Variants in TRAF3 observed in about 807,000 individuals in gnomAD.
The protein encoded by TRAF3 is TNF receptor associated factor 3.
Under a neutral mutation model 62.3 loss-of-function variants are expected in TRAF3, and 13 were observed. The ratio of observed to expected loss-of-function variants is 0.21; its 90% CI spans 0.14 to 0.33. The LOEUF (loss-of-function observed/expected upper bound fraction) is 0.33, where lower values mean the gene tolerates loss of function less well. TRAF3 is among the 10% of genes least tolerant of loss of function. The probability of loss-of-function intolerance (pLI) is 1.00; values close to 1 mark genes in which losing one functional copy is unlikely to be tolerated. For missense variants in TRAF3, 440 were observed against 741.8 expected (o/e 0.59, Z 4.73); for synonymous variants, 269 against 283.4 (o/e 0.95, Z 0.51).
chr14:102,808,139 T>C (rs1287906563), intron 1 of TRAF3, among the ~76,000 whole-genome samples: 1 of 151,802 alleles, frequency 6.6e-6, no homozygotes, highest in Non-Finnish European at 1.5e-5. Context: ...GCACAGAGAG[T>C]CACTTTGGCC....
chr14:102,795,596 A>ATGTGTGTGTGTGTG (rs1189667975), intron 1 of TRAF3, among the ~76,000 whole-genome samples: 2,005 of 129,178 alleles, frequency 0.016, 23 homozygotes, highest in South Asian at 0.058. Flanking sequence ...TGATATGTAT[A>ATGTGTGTGTGTGTG]TATGTGTGTG....
intron 2 of TRAF3, among the ~76,000 whole-genome samples, chr14:102,866,276 C>G (rs769734794): frequency 2.0e-5 from 3 of 151,960 alleles, no homozygotes; most frequent in African/African-American, 7.3e-5. Context: ...TGGGGCCTGT[C>G]GGAGGGTGGG....
chr14:102,786,986 A>C (rs1352042549), intron 1 of TRAF3, among the ~76,000 whole-genome samples: 1 of 152,182 alleles, frequency 6.6e-6, no homozygotes, highest in East Asian at 1.9e-4. Flanking sequence ...TGGGTGACTC[A>C]GTGAGATCCT....
intron 1 of TRAF3, among the ~76,000 whole-genome samples, chr14:102,793,501 C>T (rs1224372954): frequency 1.3e-5 from 2 of 152,160 alleles, no homozygotes; most frequent in African/African-American, 4.8e-5. Flanking sequence ...AATTTTGAAA[C>T]CTGCCCTCTC....
At chr14:102,857,907 G>A (rs1887465382) in intron 2 of TRAF3, among the ~76,000 whole-genome samples, 1 of 152,182 alleles carries the variant, frequency 6.6e-6, no homozygotes, top group Non-Finnish European at 1.5e-5. Flanking sequence ...GAGAAAGCAG[G>A]TAGAGAAAAA....
At chr14:102,841,398 A>G (rs1886366499) in intron 2 of TRAF3, among the ~76,000 whole-genome samples, 1 of 152,236 alleles carries the variant, frequency 6.6e-6, no homozygotes, top group Admixed American at 6.5e-5. Flanking sequence ...TCAGTTGCAC[A>G]GGGCTGGGAA....
intron 10 of TRAF3, among the ~76,000 whole-genome samples, chr14:102,900,625 G>A (rs1307426863): frequency 1.3e-5 from 2 of 152,242 alleles, no homozygotes; most frequent in Non-Finnish European, 2.9e-5. Flanking sequence ...CACGCACTGG[G>A]ACAGAAGGCA....
chr14:102,890,217 TTTG>T (rs908618502), intron 8 of TRAF3, among the ~76,000 whole-genome samples: 4 of 152,368 alleles, frequency 2.6e-5, no homozygotes, highest in East Asian at 3.9e-4. Context: ...CATCTGGTGT[TTTG>T]TTGTTGTTTA....
In TRAF3 at chr14:102,852,636, A is replaced by C. The variant is rs116788557; in HGVS notation, c.-17-17549A>C. ...GGATGACATGAAATTCTTTGGATCT[A>C]CATATGGACAAACAGAATTGTGTCA... On this transcript the variant is annotated intron_variant, in intron 2 of 11. Coordinates refer to ENST00000392745, the MANE Select transcript of TRAF3 (RefSeq NM_145725.3). Among the ~76,000 whole-genome samples, 587 of 152,288 alleles carry C rather than the reference A, an allele frequency of 3.9e-3. 4 individuals are homozygous for C. Among genetic ancestry groups the C allele is most frequent in the African/African-American group, 0.013 (543 of 41,562 alleles).
At chr14:102,880,237 G>A (rs955941283) in intron 6 of TRAF3, among the ~76,000 whole-genome samples, 1 of 152,182 alleles carries the variant, frequency 6.6e-6, no homozygotes, top group African/African-American at 2.4e-5. Context: ...CCAGAACTCT[G>A]GAAGGCCAAA....
intron 1 of TRAF3, among the ~76,000 whole-genome samples, 174 bp downstream of exon 1, chr14:102,777,849 C>T (rs2140034437): frequency 6.8e-6 from 1 of 147,250 alleles, no homozygotes; most frequent in East Asian, 2.0e-4. Context: ...GGCGCGGCTT[C>T]AGCCTGGCCC....
Position 102,903,769 on chromosome 14 carries a change from C to G in TRAF3, c.1135+340C>G. Reference sequence around the variant, plus strand: ...AAGCGCAGATGGCAGAGGCCAGGACCTGCTGGTCGGGGCGCCCCAGACCCC... The same window carrying G: ...AAGCGCAGATGGCAGAGGCCAGGACGTGCTGGTCGGGGCGCCCCAGACCCC... On this transcript the variant is annotated intron_variant, in intron 11 of 11. Transcript: ENST00000392745. This position sits in a 1 kb window ranked among gnomAD's most constrained non-coding sequence, Gnocchi z 6.4. The G allele has an allele frequency of 2.0e-6, 1 of 500,642 alleles. No individual in the cohort carries two copies. Among genetic ancestry groups the G allele is most frequent in the Non-Finnish European group, 3.9e-6 (1 of 256,272 alleles). The allele number at this position is 500,642 out of a possible 1,614,324, so 31.0% of individuals were successfully genotyped here.
rs1475696039 is a variant in TRAF3 at position 102,886,184 on chromosome 14, T to C, written c.571-5T>C. The C allele has an allele frequency of 1.4e-5, 22 of 1,612,796 alleles. No homozygotes were observed. The highest frequency in any genetic ancestry group is 1.8e-5 in the Non-Finnish European group (21 of 1,179,164). On this transcript the variant is annotated splice_polypyrimidine_tract_variant and splice_region_variant and intron_variant, in intron 6 of 11. Coordinates refer to ENST00000392745, the MANE Select transcript of TRAF3 (RefSeq NM_145725.3). The stretch of plus-strand genomic sequence containing the variant: ...TAAAGTTGATAGTACTTTCTCTCTC[T>C]GTAGAAACACGAAGACACCGACTGT...
In TRAF3 at chr14:102,792,012, G is replaced by C. The variant is rs1023685149; in HGVS notation, c.-157+14337G>C. On this transcript the variant is annotated intron_variant, in intron 1 of 11. Coordinates refer to ENST00000392745, the MANE Select transcript of TRAF3 (RefSeq NM_145725.3). ...TATTTTTTATTTTTGGTAGAGATGG[G>C]TTTCGCCATGTTGCCCAGGCTAGTC... Among the ~76,000 whole-genome samples, 3 of 149,520 alleles carry C rather than the reference G, an allele frequency of 2.0e-5. No homozygotes were observed. The Admixed American group carries it at 2.0e-4, about 10-fold the overall frequency.
chr14:102,857,081 A>G (rs1887415401), intron 2 of TRAF3, among the ~76,000 whole-genome samples: 1 of 152,244 alleles, frequency 6.6e-6, no homozygotes, highest in Admixed American at 6.5e-5. Context: ...AAGGCTTTCC[A>G]TGAACTGGGC....
intron 1 of TRAF3, among the ~76,000 whole-genome samples, chr14:102,809,529 CTTTTTTTTT>C (rs60882875): frequency 5.2e-5 from 6 of 114,916 alleles, no homozygotes; most frequent in African/African-American, 1.4e-4. Flanking sequence ...ACAGCATAGA[CTTTTTTTTT>C]TTTTTTTTTT....
At chr14:102,863,119 A>T (rs552877456) in intron 2 of TRAF3, among the ~76,000 whole-genome samples, 1 of 152,276 alleles carries the variant, frequency 6.6e-6, no homozygotes, top group Admixed American at 6.5e-5. Context: ...TTCCTCTTAA[A>T]CAATTTCTGT....
chr14:102,819,361 G>C (rs139142953), intron 1 of TRAF3, among the ~76,000 whole-genome samples: 2 of 152,150 alleles, frequency 1.3e-5, no homozygotes, highest in African/African-American at 2.4e-5. Flanking sequence ...TGTGTTTGCC[G>C]TGTGAGCCGG....
intron 1 of TRAF3, among the ~76,000 whole-genome samples, chr14:102,797,904 A>G (rs1898188278): frequency 6.6e-6 from 1 of 151,848 alleles, no homozygotes; most frequent in Non-Finnish European, 1.5e-5. Context: ...CGCCTGGCTA[A>G]GTTTGTATTT....
Sources: allele counts gnomAD v4.1 joint callset (sites outside exome capture counted in the v4.1 genomes callset), GRCh38; gene constraint gnomAD v4.1.1; non-coding constraint Gnocchi (gnomAD v3.1); transcripts MANE v1.5; gene names NCBI Gene and HGNC (gene_info 2026-07-23, HGNC 2026-07-21).